The following ARHGEF10 variants were observed in gnomAD, a reference collection of about 807,000 sequenced individuals.
ARHGEF10 encodes Rho guanine nucleotide exchange factor (GEF) 10.
ARHGEF10 carries 140 observed loss-of-function variants against 147.4 expected under a neutral mutation model. That is an observed-to-expected ratio of 0.95 (90% confidence interval 0.83 to 1.09). The LOEUF (loss-of-function observed/expected upper bound fraction) is 1.09. ARHGEF10 is among the 50% of genes least tolerant of loss of function. The pLI is 0.00. For missense variants in ARHGEF10, 2,222 were observed against 1,752.7 expected (o/e 1.27, Z -4.78); for synonymous variants, 902 against 695.8 (o/e 1.30, Z -4.67).
At chr8:1,843,930 A>G (rs995046694) in intron 2 of ARHGEF10, among the ~76,000 whole-genome samples, 1 of 152,184 alleles carries the variant, frequency 6.6e-6, no homozygotes, top group Non-Finnish European at 1.5e-5. Context: ...TGAAAGATTT[A>G]TCTTCATTGT....
rs866786708 is a variant in ARHGEF10 at position 1,849,925 on chromosome 8, G to A, written c.37+6489G>A. ...ACAGAGGGCAAATGCTGAGGAGGGC[G>A]TGGGCCGGCTGCGTGGACACAGAGG... On this transcript the variant is annotated intron_variant, in intron 2 of 28. Coordinates refer to ENST00000349830, the MANE Select transcript of ARHGEF10 (RefSeq NM_014629.4). Among the ~76,000 whole-genome samples the A allele has an allele frequency of 5.2e-4, 74 of 141,484 alleles. 2 individuals carry two copies. Among genetic ancestry groups the A allele is most frequent in the African/African-American group, 1.8e-3 (65 of 35,864 alleles). 92.8% of individuals were successfully genotyped at this position (141,484 alleles called of 152,430 possible).
At position 1,945,592 on chromosome 8, in the gene ARHGEF10, A is replaced by G; in HGVS notation, c.3334A>G (p.Thr1112Ala). ...AGGGTCCACGCTCCGCCTTTTTCAC[A>G]CGGAAACTCTCAAGCACCTGCAGGA... Reference protein sequence around the residue: ...TSGSTLRLFHTETLKHLQDIN... With the variant: ...TSGSTLRLFHAETLKHLQDIN... Residue 1112 changes from threonine (T) to alanine (A), a missense_variant, in exon 27 of 29, where the codon ACG (threonine) becomes GCG (alanine). By Grantham distance (58) the Thr-to-Ala change is moderately conservative (BLOSUM62 0). Coordinates refer to ENST00000349830, the MANE Select transcript of ARHGEF10 (RefSeq NM_014629.4). The G allele has an allele frequency of 6.2e-7, 1 of 1,614,114 alleles. No homozygotes were observed. The highest frequency in any genetic ancestry group is 1.7e-5 in the Admixed American group (1 of 60,022).
chr8:1,882,782 C>A lies in ARHGEF10; in HGVS notation c.1075+33C>A, dbSNP rs1344179041. On this transcript the variant is annotated intron_variant, in intron 10 of 28. Coordinates refer to ENST00000349830, the MANE Select transcript of ARHGEF10 (RefSeq NM_014629.4). Reference sequence around the variant, plus strand: ...CCTGCAGGTCTTCTTGCGGGGAGGACACGGGGTTGGGGGGGGCGGCCACAT... The same window carrying A: ...CCTGCAGGTCTTCTTGCGGGGAGGAAACGGGGTTGGGGGGGGCGGCCACAT... 3.7e-6 allele frequency: 5 copies of A among 1,363,838 alleles called. No individual in the cohort carries two copies. The South Asian group carries it at 5.1e-5, about 14-fold the overall frequency. 84.5% of individuals were successfully genotyped at this position (1,363,838 alleles called of 1,614,324 possible). A position where few individuals can be genotyped will look rare whatever the true frequency, so the allele number is the denominator to read the frequency against.
At chr8:1,854,368 G>T (rs1246737112) in intron 2 of ARHGEF10, among the ~76,000 whole-genome samples, 4 of 152,234 alleles carry the variant, frequency 2.6e-5, no homozygotes. Context: ...ATGCAGGCAG[G>T]GGTGCAGCCT....
At chr8:1,860,300 C>T (rs1437623509) in intron 4 of ARHGEF10, 116 bp downstream of exon 4, 28 of 1,433,710 alleles carry the variant, frequency 2.0e-5, no homozygotes, top group South Asian at 4.8e-5. Flanking sequence ...CCTGTGGTTC[C>T]GTAGAGTCCG....
At chr8:1,826,888 G>C (rs1207961385) in intron 1 of ARHGEF10, among the ~76,000 whole-genome samples, 1 of 152,244 alleles carries the variant, frequency 6.6e-6, no homozygotes, top group Non-Finnish European at 1.5e-5. Flanking sequence ...GGGAAGCGTA[G>C]CTGTTAGTCA....
At chr8:1,899,178 T>G (rs1348622173) in intron 15 of ARHGEF10, among the ~76,000 whole-genome samples, 17 of 152,196 alleles carry the variant, frequency 1.1e-4, no homozygotes, top group Admixed American at 1.1e-3. Flanking sequence ...TCACGTCTGA[T>G]GCAGTGTGTG....
At chr8:1,873,265 A>G (rs1807286504) in intron 7 of ARHGEF10, among the ~76,000 whole-genome samples, 1 of 152,244 alleles carries the variant, frequency 6.6e-6, no homozygotes, top group African/African-American at 2.4e-5. Context: ...TGGTGGCTGC[A>G]GGAGGGCACC....
intron 18 of ARHGEF10, among the ~76,000 whole-genome samples, chr8:1,918,318 G>T (rs1269531964): frequency 6.6e-6 from 1 of 152,118 alleles, no homozygotes; most frequent in East Asian, 1.9e-4. Context: ...TGAACTGTCT[G>T]ATGATCCGGC....
intron 1 of ARHGEF10, among the ~76,000 whole-genome samples, chr8:1,838,796 G>C (rs1803746019): frequency 6.6e-6 from 1 of 152,210 alleles, no homozygotes. Context: ...CATCCAGCTT[G>C]GAAGCTGTCT....
intron 17 of ARHGEF10, among the ~76,000 whole-genome samples, chr8:1,906,159 C>T (rs1364049528): frequency 6.6e-6 from 1 of 152,124 alleles, no homozygotes; most frequent in Admixed American, 6.5e-5. Flanking sequence ...AATAGTTTTA[C>T]ATCAGAATCG....
intron 9 of ARHGEF10, among the ~76,000 whole-genome samples, chr8:1,880,734 T>C (rs1373543890): frequency 6.6e-6 from 1 of 152,184 alleles, no homozygotes; most frequent in African/African-American, 2.4e-5. Flanking sequence ...TTCTGAGCGA[T>C]GTCTTTTAAA....
At chr8:1,866,666 G>A in intron 6 of ARHGEF10, 64 bp downstream of exon 6, 1 of 1,489,772 alleles carries the variant, frequency 6.7e-7, no homozygotes, top group Non-Finnish European at 9.3e-7. Flanking sequence ...ACTGCGGCGG[G>A]GCCGGGTCCC....
At chr8:1,893,146 A>C (rs1339946218) in intron 11 of ARHGEF10, among the ~76,000 whole-genome samples, 9 of 148,580 alleles carry the variant, frequency 6.1e-5, no homozygotes, top group Non-Finnish European at 1.3e-4. Context: ...TTGTTTTCTT[A>C]GAACTTTGGA....
rs148715187 is a variant in ARHGEF10, at chr8:1,898,506, A to T, written c.1631A>T (p.Gln544Leu). ...LMMKPIQRFPQFILLLQDMLK... is the reference protein window; with the variant it reads ...LMMKPIQRFPLFILLLQDMLK... ...ATGAAGCCCATCCAGAGGTTCCCAC[A>T]GTTCATCCTCCTGCTCCAGGTAAGT... is the stretch of plus-strand genomic sequence containing the variant. The change falls in exon 15 of 29, where the codon CAG becomes CTG. Residue 544 changes from glutamine to leucine, a missense_variant. Physicochemically the swap from Gln to Leu is moderately radical, Grantham distance 113. Coordinates refer to ENST00000349830, the MANE Select transcript of ARHGEF10 (RefSeq NM_014629.4). 435 of 1,614,144 alleles carry T rather than the reference A, an allele frequency of 2.7e-4. 2 individuals carry two copies. The African/African-American group carries it at 4.7e-3, about 18-fold the overall frequency.
rs772962986 is a variant in ARHGEF10 at position 1,830,567 on chromosome 8, C to G, written c.-48+6454C>G. On this transcript the variant is annotated intron_variant, in intron 1 of 28. Coordinates refer to ENST00000349830, the MANE Select transcript of ARHGEF10 (RefSeq NM_014629.4). ...CAAGCACCGGCAAATCTGGAAATGA[C>G]CTATTAAGAGACAGGTGTTTCATGA... Among the ~76,000 whole-genome samples the G allele has an allele frequency of 3.3e-5, 5 of 152,252 alleles. No homozygotes were observed. In the East Asian group the frequency reaches 9.7e-4, roughly 29 times the overall value.
chr8:1,914,238 G>T (rs1032906498), intron 18 of ARHGEF10, among the ~76,000 whole-genome samples: 2 of 152,238 alleles, frequency 1.3e-5, no homozygotes, highest in Non-Finnish European at 2.9e-5. Flanking sequence ...TTTTTAAAAC[G>T]TGAAACGGTT....
rs76337599 is a variant in ARHGEF10, at chr8:1,860,836, C to A, written c.481+652C>A. On this transcript the variant is annotated intron_variant, in intron 4 of 28. Transcript: ENST00000349830. ...CTGCTTGTCTATAGACTCAGACTCC[C>A]TGGGGTCAAAGCGTGTGTCTCGCTG... is the stretch of plus-strand genomic sequence containing the variant. 7.0e-4 allele frequency among the ~76,000 whole-genome samples: 107 copies of A among 152,200 alleles called. 1 individual carries two copies. The highest frequency in any genetic ancestry group is 2.3e-3 in the African/African-American group (97 of 41,528).
At chr8:1,832,417 CAGAG>C (rs532728489) in intron 1 of ARHGEF10, among the ~76,000 whole-genome samples, 7 of 101,796 alleles carry the variant, frequency 6.9e-5, no homozygotes, top group South Asian at 3.3e-4. Context: ...GAGGCAGAGA[CAGAG>C]AGAGACAGAG....
Sources: gnomAD v4.1 joint callset for allele counts (sites outside exome capture counted in the v4.1 genomes callset) on GRCh38, gnomAD v4.1.1 for gene constraint, MANE v1.5 for transcripts, NCBI Gene and HGNC (gene_info 2026-07-23, HGNC 2026-07-21) for gene names.